The following FOXP2 variants were observed in gnomAD, a reference collection of about 807,000 sequenced individuals.
FOXP2 encodes the protein forkhead box P2.
In FOXP2, 12 loss-of-function variants were observed where a neutral mutation model predicts 115.8. The observed-to-expected ratio is 0.10, with a 90% CI of 0.07 to 0.17. The LOEUF (loss-of-function observed/expected upper bound fraction) is 0.17, where lower values mean the gene tolerates loss of function less well. Ranked by LOEUF, FOXP2 falls within the 10% of genes least tolerant of loss-of-function variation. The pLI, the probability that FOXP2 is intolerant of heterozygous loss-of-function variation, is 1.00. For missense variants in FOXP2, 629 were observed against 843.5 expected, an observed-to-expected ratio of 0.75 and a Z score of 3.15; for synonymous variants, 328 against 297.7, an observed-to-expected ratio of 1.10 and a Z score of -1.05.
intron 6 of FOXP2, among the ~76,000 whole-genome samples, chr7:114,633,150 T>G (rs1346366325): frequency 6.6e-6 from 1 of 152,100 alleles, no homozygotes; most frequent in Non-Finnish European, 1.5e-5. Context: ...CTTATTTTAT[T>G]AATTCAAGTA....
In FOXP2 at chr7:114,693,557, A is replaced by C. The variant is rs940653596; in HGVS notation, c.*3631A>C. The stretch of plus-strand genomic sequence containing the variant: ...GAACATGGCTTACCCTTGTTATTTC[A>C]CTAGTTCAGGTTGCAACGAAAGGTT... On this transcript the variant is annotated 3_prime_UTR_variant, in exon 17 of 17. Transcript: ENST00000350908. 1 of 453,402 alleles carries C rather than the reference A, an allele frequency of 2.2e-6. No individual in the cohort carries two copies. Among genetic ancestry groups the C allele is most frequent in the Admixed American group, 2.4e-5 (1 of 42,504 alleles). The allele number at this position is 453,402 out of a possible 1,614,324, so 28.1% of individuals were successfully genotyped here. A position where few individuals can be genotyped will look rare whatever the true frequency, so the allele number is the denominator to read the frequency against.
At chr7:114,330,702 A>G (rs1385467386) in intron 2 of FOXP2, among the ~76,000 whole-genome samples, 4 of 152,004 alleles carry the variant, frequency 2.6e-5, no homozygotes, top group Non-Finnish European at 4.4e-5. Context: ...GAAGTCCCCT[A>G]ATTACCTTTG....
At chr7:114,167,107 T>C (rs1245045543) in intron 1 of FOXP2, among the ~76,000 whole-genome samples, 1 of 152,120 alleles carries the variant, frequency 6.6e-6, no homozygotes, top group East Asian at 1.9e-4. Flanking sequence ...GCTGAAAACG[T>C]AAGTCCACAC....
upstream of FOXP2, among the ~76,000 whole-genome samples, chr7:114,412,117 A>G (rs1316663566): frequency 6.6e-6 from 1 of 152,148 alleles, no homozygotes; most frequent in Non-Finnish European, 1.5e-5. Context: ...TGCTATTGGA[A>G]GAAATCATAA....
intron 2 of FOXP2, among the ~76,000 whole-genome samples, chr7:114,431,383 T>G (rs1479723724): frequency 1.3e-5 from 2 of 151,828 alleles, no homozygotes. Context: ...CTTTGTTGCT[T>G]GAGGAGAATT....
chr7:114,374,406 G>C (rs1465824310), intron 2 of FOXP2, among the ~76,000 whole-genome samples: 1 of 151,984 alleles, frequency 6.6e-6, no homozygotes, highest in Middle Eastern at 3.2e-3. Flanking sequence ...CCACTTTCTA[G>C]GTATTCATTT....
intron 3 of FOXP2, among the ~76,000 whole-genome samples, chr7:114,563,806 T>A (rs1481108539): frequency 6.6e-6 from 1 of 152,194 alleles, no homozygotes; most frequent in Non-Finnish European, 1.5e-5. Flanking sequence ...CTTTCATTCT[T>A]GAAAAATCGT....
At chr7:114,464,461 T>A (rs534966218) in intron 2 of FOXP2, among the ~76,000 whole-genome samples, 139 of 152,312 alleles carry the variant, frequency 9.1e-4, no homozygotes, top group African/African-American at 3.1e-3. Context: ...TTGTAGGTTG[T>A]CTGTATGAAA....
chr7:114,298,501 T>C (rs1249826595), intron 2 of FOXP2, among the ~76,000 whole-genome samples: 1 of 152,214 alleles, frequency 6.6e-6, no homozygotes, highest in Non-Finnish European at 1.5e-5. Context: ...TTCTTCTCAG[T>C]TATCCACCAG....
At chr7:114,330,381 C>G (rs1797672968) in intron 2 of FOXP2, among the ~76,000 whole-genome samples, 1 of 151,276 alleles carries the variant, frequency 6.6e-6, no homozygotes, top group South Asian at 2.1e-4. Context: ...GCCTATAATC[C>G]TAGCACTCTG....
At chr7:114,557,468 G>A (rs935835159) in intron 3 of FOXP2, among the ~76,000 whole-genome samples, 4 of 151,868 alleles carry the variant, frequency 2.6e-5, no homozygotes, top group South Asian at 2.1e-4. Context: ...AAAGAAAGGG[G>A]CAATATTCAT....
At chr7:114,613,398 G>A (rs1457778781) in intron 3 of FOXP2, among the ~76,000 whole-genome samples, 4 of 151,942 alleles carry the variant, frequency 2.6e-5, no homozygotes, top group African/African-American at 4.8e-5. Flanking sequence ...TTTGGAGGCC[G>A]GGCTTGGTGG....
In FOXP2 at chr7:114,691,943, G is replaced by GAAAAAAA; in HGVS notation, c.*2024_*2030dup. The GAAAAAAA allele has an allele frequency of 2.7e-6, 1 of 364,118 alleles. No individual in the cohort carries two copies. The highest frequency in any genetic ancestry group is 5.1e-6 in the Non-Finnish European group (1 of 196,454). 22.6% of individuals were successfully genotyped at this position (364,118 alleles called of 1,614,324 possible). A position where few individuals can be genotyped will look rare whatever the true frequency, so the allele number is the denominator to read the frequency against. ...TTCTACCTCTGCAAAAAAAAAAAAA[G>GAAAAAAA]AAAAAAAAAAAAAGAAAAACATTAG... On this transcript the variant is annotated 3_prime_UTR_variant, in exon 17 of 17. Coordinates refer to ENST00000350908, the MANE Select transcript of FOXP2 (RefSeq NM_014491.4).
At chr7:114,132,582 T>TGAGAGAGAGA (rs35572133) in intron 1 of FOXP2, among the ~76,000 whole-genome samples, 18 of 55,996 alleles carry the variant, frequency 3.2e-4, no homozygotes, top group African/African-American at 5.5e-4. Flanking sequence ...TGTGTGTGTG[T>TGAGAGAGAGA]GAGAGAGAGA....
intron 1 of FOXP2, among the ~76,000 whole-genome samples, chr7:114,103,019 A>G (rs900050812): frequency 3.9e-5 from 6 of 152,092 alleles, no homozygotes; most frequent in Non-Finnish European, 8.8e-5. Context: ...ATAAAGTACA[A>G]TGACCAGCTG....
chr7:114,478,188 T>C (rs1796371473), intron 2 of FOXP2, among the ~76,000 whole-genome samples: 1 of 151,902 alleles, frequency 6.6e-6, no homozygotes, highest in African/African-American at 2.4e-5. Context: ...AGTAAGTATA[T>C]GTCAAAATAA....
intron 3 of FOXP2, among the ~76,000 whole-genome samples, chr7:114,541,887 T>A (rs1415099571): frequency 6.6e-6 from 1 of 151,800 alleles, no homozygotes; most frequent in Non-Finnish European, 1.5e-5. Flanking sequence ...AACATTAATA[T>A]TGTTATGGGA....
At chr7:114,468,036 T>C (rs910022559) in intron 2 of FOXP2, among the ~76,000 whole-genome samples, 6 of 152,310 alleles carry the variant, frequency 3.9e-5, no homozygotes, top group African/African-American at 4.8e-5. Flanking sequence ...TGTATACATA[T>C]GTTAATGACC....
In FOXP2 at chr7:114,143,683, T is replaced by C. The variant is rs182085301; in HGVS notation, c.-246-19261T>C. On this transcript the variant is annotated intron_variant, in intron 1 of 19. Transcript: ENST00000635638. ...TTCTAAAGCTTCTGTTCACATTCCA[T>C]TGGTAAAGTAATTCACTCAGCCTCA... is the stretch of plus-strand genomic sequence containing the variant. Among the ~76,000 whole-genome samples the C allele has an allele frequency of 2.2e-3, 338 of 152,266 alleles. 2 individuals carry two copies. The highest frequency in any genetic ancestry group is 3.7e-3 in the Non-Finnish European group (254 of 68,016).
Sources: allele counts gnomAD v4.1 joint callset (sites outside exome capture counted in the v4.1 genomes callset), GRCh38; gene constraint gnomAD v4.1.1; transcripts MANE v1.5; gene names NCBI Gene and HGNC (gene_info 2026-07-23, HGNC 2026-07-21).